PLXDC2: variants seen among roughly 807,000 people sequenced by gnomAD.
The protein encoded by PLXDC2 is plexin domain containing 2.
Under a neutral mutation model 68.9 loss-of-function variants are expected in PLXDC2, and 40 were observed. The ratio of observed to expected loss-of-function variants is 0.58; its 90% confidence interval spans 0.45 to 0.76. The LOEUF (loss-of-function observed/expected upper bound fraction) is 0.76. Ranked by LOEUF, PLXDC2 falls within the 30% of genes least tolerant of loss-of-function variation. The pLI, the probability that PLXDC2 is intolerant of heterozygous loss-of-function variation, is 0.00. For synonymous variants in PLXDC2, 243 were observed against 234.2 expected, an observed-to-expected ratio of 1.04 and a Z score of -0.34; for missense variants, 644 against 661.9, an observed-to-expected ratio of 0.97 and a Z score of 0.30.
intron 1 of PLXDC2, among the ~76,000 whole-genome samples, chr10:19,847,026 A>G (rs996627001): frequency 7.9e-5 from 12 of 152,080 alleles, no homozygotes; most frequent in Non-Finnish European, 1.8e-4. Flanking sequence ...AGAGAACAGC[A>G]TGGGAAAAAC....
intron 3 of PLXDC2, among the ~76,000 whole-genome samples, chr10:20,053,257 T>C (rs1357516150): frequency 6.6e-6 from 1 of 152,132 alleles, no homozygotes; most frequent in Non-Finnish European, 1.5e-5. Flanking sequence ...CTCTCCATTG[T>C]CATTTTTGTT....
At position 20,056,812 on chromosome 10, in the gene PLXDC2, A is replaced by G. The variant is rs377714212; in HGVS notation, c.471+9797A>G. Among the ~76,000 whole-genome samples the G allele has an allele frequency of 4.2e-4, 64 of 152,322 alleles. 2 individuals are homozygous for G. In the East Asian group the frequency reaches 5.4e-3, roughly 13 times the overall value. Reference sequence around the variant, plus strand: ...TACATAAAATTAGCCATGAAAGGTAATATAATACATTCTCTATTACCGGTG... The same window carrying G: ...TACATAAAATTAGCCATGAAAGGTAGTATAATACATTCTCTATTACCGGTG... On this transcript the variant is annotated intron_variant, in intron 3 of 13. Coordinates refer to ENST00000377252, the MANE Select transcript of PLXDC2 (RefSeq NM_032812.9).
At chr10:19,966,572 T>G (rs1189784589) in intron 1 of PLXDC2, among the ~76,000 whole-genome samples, 1 of 151,828 alleles carries the variant, frequency 6.6e-6, no homozygotes, top group Non-Finnish European at 1.5e-5. Context: ...AAGTGAAATG[T>G]CATTAAAGGA....
chr10:20,014,063 T>C (rs1835161537), intron 2 of PLXDC2, among the ~76,000 whole-genome samples: 1 of 152,226 alleles, frequency 6.6e-6, no homozygotes, highest in Admixed American at 6.5e-5. Flanking sequence ...GCAAACACAC[T>C]TTTTAGAGAA....
At chr10:20,130,394 G>T (rs969667343) in intron 4 of PLXDC2, among the ~76,000 whole-genome samples, 1 of 152,066 alleles carries the variant, frequency 6.6e-6, no homozygotes, top group Non-Finnish European at 1.5e-5. Flanking sequence ...AATGCCAACA[G>T]GTTTTTGGAG....
At chr10:20,229,651 G>A (rs985300836) in intron 12 of PLXDC2, among the ~76,000 whole-genome samples, 2 of 151,760 alleles carry the variant, frequency 1.3e-5, no homozygotes, top group African/African-American at 2.4e-5. Flanking sequence ...AATCTTCTTC[G>A]AAACAGCTAG....
At position 20,024,165 on chromosome 10, in the gene PLXDC2, G is replaced by A. The variant is rs1264388898; in HGVS notation, c.324+22179G>A. On this transcript the variant is annotated intron_variant, in intron 2 of 13. Transcript: ENST00000377252. ...AAACATTCCTTTTATTCCTCTATAT[G>A]GTTTAAAAACTATTGTTGGTGTTTT... 2.0e-5 allele frequency among the ~76,000 whole-genome samples: 3 copies of A among 152,182 alleles called. No homozygotes were observed. In the East Asian group the frequency reaches 5.8e-4, roughly 29 times the overall value.
At chr10:20,109,514 T>C (rs1404190831) in intron 4 of PLXDC2, among the ~76,000 whole-genome samples, 1 of 152,228 alleles carries the variant, frequency 6.6e-6, no homozygotes, top group Non-Finnish European at 1.5e-5. Context: ...GAACTCATTA[T>C]ACCAGAGTCT....
intron 2 of PLXDC2, among the ~76,000 whole-genome samples, chr10:20,023,323 C>G (rs1835345498): frequency 6.6e-6 from 1 of 152,008 alleles, no homozygotes. Context: ...TATTGTAGAT[C>G]TAAAACATTT....
intron 7 of PLXDC2, among the ~76,000 whole-genome samples, chr10:20,170,575 C>G (rs759403743): frequency 2.6e-4 from 40 of 152,218 alleles, no homozygotes; most frequent in Non-Finnish European, 4.6e-4. Flanking sequence ...ATGAAATATG[C>G]ACACTATCTT....
chr10:19,930,930 C>CTCCA (rs1443830560), intron 1 of PLXDC2, among the ~76,000 whole-genome samples: 10 of 152,132 alleles, frequency 6.6e-5, no homozygotes, highest in Non-Finnish European at 1.5e-4. Context: ...CACCACTGCA[C>CTCCA]TCCAGCCTGG....
At chr10:20,212,816 C>T (rs1024172233) in intron 10 of PLXDC2, among the ~76,000 whole-genome samples, 24 of 152,120 alleles carry the variant, frequency 1.6e-4, no homozygotes, top group Admixed American at 7.9e-4. Context: ...TCCGTCTCAC[C>T]TCACTTATCT....
At chr10:20,193,233 A>G (rs1834792507) in intron 9 of PLXDC2, among the ~76,000 whole-genome samples, 1 of 152,118 alleles carries the variant, frequency 6.6e-6, no homozygotes, top group Non-Finnish European at 1.5e-5. Context: ...AGCCCAGAAT[A>G]TTCACCGTAT....
intron 1 of PLXDC2, among the ~76,000 whole-genome samples, chr10:19,849,173 C>G (rs1246700663): frequency 6.6e-6 from 1 of 151,900 alleles, no homozygotes; most frequent in Non-Finnish European, 1.5e-5. Flanking sequence ...ACAAAAGAAA[C>G]AAGTTTATTG....
At chr10:19,835,860 C>T (rs879327769) in intron 1 of PLXDC2, among the ~76,000 whole-genome samples, 6 of 151,998 alleles carry the variant, frequency 3.9e-5, no homozygotes, top group South Asian at 2.1e-4. Context: ...AGGTGGATGA[C>T]GTGCCAGCCT....
intron 9 of PLXDC2, among the ~76,000 whole-genome samples, chr10:20,181,504 G>A (rs1001226057): frequency 2.0e-5 from 3 of 151,974 alleles, no homozygotes; most frequent in East Asian, 1.9e-4. Flanking sequence ...TTGACTCGGC[G>A]GCCAGGAAAG....
At chr10:19,949,960 C>T (rs780765595) in intron 1 of PLXDC2, among the ~76,000 whole-genome samples, 2 of 152,176 alleles carry the variant, frequency 1.3e-5, no homozygotes, top group Non-Finnish European at 2.9e-5. Flanking sequence ...GATGGGAAGA[C>T]TGTCTTTCAA....
In PLXDC2 at chr10:20,043,587, T is replaced by C. The variant is rs139941037; in HGVS notation, c.325-3282T>C. 5.4e-3 allele frequency among the ~76,000 whole-genome samples: 824 copies of C among 152,162 alleles called. 9 individuals are homozygous for C. Among genetic ancestry groups the C allele is most frequent in the African/African-American group, 0.019 (790 of 41,532 alleles). On this transcript the variant is annotated intron_variant, in intron 2 of 13. Transcript: ENST00000377252. ...TGAAATTTTGACACCTTAAAGAAAA[T>C]ATCTATTTTGTAATATTCCCTATTT... is the stretch of plus-strand genomic sequence containing the variant.
chr10:20,141,003 A>G (rs958070403), intron 4 of PLXDC2, among the ~76,000 whole-genome samples: 6 of 152,080 alleles, frequency 3.9e-5, no homozygotes, highest in African/African-American at 1.4e-4. Flanking sequence ...TAATACTCAT[A>G]GTGACATAAC....
Sources: gnomAD v4.1 joint callset for allele counts (sites outside exome capture counted in the v4.1 genomes callset) on GRCh38, gnomAD v4.1.1 for gene constraint, MANE v1.5 for transcripts, NCBI Gene and HGNC (gene_info 2026-07-23, HGNC 2026-07-21) for gene names.